CCDC18: variants seen among roughly 807,000 people sequenced by gnomAD.
CCDC18 encodes coiled-coil domain-containing protein 18.
In CCDC18, 157 loss-of-function variants were observed where a neutral mutation model predicts 196.0. The observed-to-expected ratio is 0.80, with a 90% confidence interval of 0.70 to 0.91. The LOEUF is 0.91. CCDC18 is among the 40% of genes least tolerant of loss of function. The pLI is 0.00. For missense variants in CCDC18, 1,465 were observed against 1,611.6 expected (o/e 0.91, Z 1.56); for synonymous variants, 482 against 529.2 (o/e 0.91, Z 1.22).
intron 6 of CCDC18, among the ~76,000 whole-genome samples, chr1:93,195,758 A>G (rs969854104): frequency 9.9e-5 from 15 of 152,182 alleles, no homozygotes; most frequent in Non-Finnish European, 2.2e-4. Context: ...GGCCCTACCA[A>G]ACTGCCAGTA....
chr1:93,211,780 A>G (rs1655688517), intron 10 of CCDC18, among the ~76,000 whole-genome samples: 2 of 152,164 alleles, frequency 1.3e-5, no homozygotes, highest in Non-Finnish European at 2.9e-5. Flanking sequence ...TGTTACAAAC[A>G]GTGCTGCAAA....
intron 8 of CCDC18, among the ~76,000 whole-genome samples, chr1:93,206,530 T>C (rs550721611): frequency 3.2e-4 from 48 of 152,306 alleles, no homozygotes; most frequent in African/African-American, 1.1e-3. Context: ...TAAGATATTT[T>C]TAAAACTTCA....
intron 13 of CCDC18, among the ~76,000 whole-genome samples, chr1:93,217,079 C>T (rs556372387): frequency 4.0e-5 from 6 of 151,678 alleles, no homozygotes; most frequent in South Asian, 2.1e-4. Context: ...GGACTACAGG[C>T]GCCCGCCACC....
At chr1:93,197,772 G>A (rs1571377142) in intron 6 of CCDC18, among the ~76,000 whole-genome samples, 1 of 85,100 alleles carries the variant, frequency 1.2e-5, no homozygotes, top group African/African-American at 5.1e-5. Flanking sequence ...TTTTTTTTGA[G>A]ACAGAGTCTC....
chr1:93,221,985 T>A (rs776083183), intron 16 of CCDC18, 49 bp downstream of exon 16: 5 of 1,189,494 alleles, frequency 4.2e-6, no homozygotes, highest in African/African-American at 3.2e-5. Context: ...TTTTTTTTTT[T>A]AACAGACAGA....
rs1310419722 is a variant in CCDC18 at position 93,214,870 on chromosome 1, T to C, written c.1623T>C (p.Asp541=). The C allele has an allele frequency of 6.2e-7, 1 of 1,613,680 alleles. No individual in the cohort carries two copies. Among genetic ancestry groups the C allele is most frequent in the Non-Finnish European group, 8.5e-7 (1 of 1,179,758 alleles). Reference sequence around the variant, plus strand: ...TACAAATAGAAGCTGAAAATTCTGATTTGAAGGTTAACATGGCTCACAGAA... The same window carrying C: ...TACAAATAGAAGCTGAAAATTCTGACTTGAAGGTTAACATGGCTCACAGAA... ...KLIQIEAENS[D]LKVNMAHRTS... is the part of the protein sequence containing the mutation. The change falls in exon 12 of 29, where the codon GAT becomes GAC. Residue 541 remains aspartate (D), a synonymous_variant. Transcript: ENST00000690025.
intron 25 of CCDC18, among the ~76,000 whole-genome samples, chr1:93,258,366 A>G (rs1663313405): frequency 6.6e-6 from 1 of 152,266 alleles, no homozygotes; most frequent in East Asian, 1.9e-4. Flanking sequence ...ATTAGCATAA[A>G]TAAGTTTGAA....
intron 2 of CCDC18, 73 bp downstream of exon 2, chr1:93,183,568 A>G: frequency 4.5e-6 from 5 of 1,110,692 alleles, no homozygotes; most frequent in Non-Finnish European, 6.2e-6. Flanking sequence ...GGATTTCATT[A>G]TGATGTATTG....
chr1:93,210,716 C>T (rs1287039008), intron 9 of CCDC18, 86 bp from the exon 10 acceptor site: 1 of 907,334 alleles, frequency 1.1e-6, no homozygotes, highest in Non-Finnish European at 1.7e-6. Context: ...TAAATTCATA[C>T]AGTTTTTAAA....
Position 93,207,110 on chromosome 1 carries a change from G to A in CCDC18, c.921G>A (p.Gln307=). The change falls in exon 9 of 29, where the codon CAG becomes CAA. Residue 307 remains glutamine (Q), a synonymous_variant. Transcript: ENST00000690025. ...TTTTATTCTCTTTTCTTCATAGGCA[G>A]TTAAAAGAAGAAAATAACAACGGAA... is the stretch of plus-strand genomic sequence containing the variant. ...ELEILKEKLR[Q]LKEENNNGKE... is the part of the protein sequence containing the mutation. 6.9e-7 allele frequency: 1 copy of A among 1,450,636 alleles called. No individual in the cohort carries two copies. The highest frequency in any genetic ancestry group is 9.4e-7 in the Non-Finnish European group (1 of 1,065,460). The allele number at this position is 1,450,636 out of a possible 1,614,324, so 89.9% of individuals were successfully genotyped here. A position where few individuals can be genotyped will look rare whatever the true frequency, so the allele number is the denominator to read the frequency against.
intron 25 of CCDC18, among the ~76,000 whole-genome samples, chr1:93,257,406 G>A (rs1219914491): frequency 6.6e-6 from 1 of 151,648 alleles, no homozygotes; most frequent in Non-Finnish European, 1.5e-5. Context: ...TCCAGTATTT[G>A]GTAGGAAGTT....
At chr1:93,240,588 A>G (rs1332490960) in intron 21 of CCDC18, among the ~76,000 whole-genome samples, 2 of 152,204 alleles carry the variant, frequency 1.3e-5, no homozygotes, top group African/African-American at 4.8e-5. Flanking sequence ...GATAACCCAG[A>G]AACTTAGATA....
chr1:93,201,966 A>C lies in CCDC18; in HGVS notation c.773A>C (p.Lys258Thr), dbSNP rs772448332. 33 of 1,610,178 alleles carry C rather than the reference A, an allele frequency of 2.0e-5. No individual in the cohort carries two copies. The South Asian group carries it at 3.7e-4, about 18-fold the overall frequency. The change falls in exon 7 of 29, where the codon AAA (lysine) becomes ACA (threonine). Residue 258 changes from lysine (K) to threonine (T), a missense_variant. Transcript: ENST00000690025. Reference sequence around the variant, plus strand: ...AAAGCTTTCCAACAATATAAAAAAAAAGTGGCTGAAAAACTGGAAAAGGTA... The same window carrying C: ...AAAGCTTTCCAACAATATAAAAAAACAGTGGCTGAAAAACTGGAAAAGGTA... ...LSKAFQQYKK[K>T]VAEKLEKVQA...
At chr1:93,259,020 A>T in intron 26 of CCDC18, 135 bp downstream of exon 26, 1 of 708,350 alleles carries the variant, frequency 1.4e-6, no homozygotes, top group Non-Finnish European at 2.1e-6. Context: ...TAGCCTAAAC[A>T]TACAGCTTTC....
At chr1:93,186,937 T>C (rs1005253761) in intron 4 of CCDC18, among the ~76,000 whole-genome samples, 16 of 152,028 alleles carry the variant, frequency 1.1e-4, no homozygotes, top group African/African-American at 3.9e-4. Flanking sequence ...TTAAATAGTT[T>C]TGGTGTTTTC....
At chr1:93,239,545 T>C in intron 20 of CCDC18, 72 bp downstream of exon 20, 1 of 1,508,250 alleles carries the variant, frequency 6.6e-7, no homozygotes, top group South Asian at 1.3e-5. Context: ...TGTGAGAATT[T>C]GAGATGGTGG....
In CCDC18 at chr1:93,214,932, A is replaced by G. The variant is rs963168834; in HGVS notation, c.1685A>G (p.Glu562Gly). 7 of 1,607,652 alleles carry G rather than the reference A, an allele frequency of 4.4e-6. No individual in the cohort carries two copies. In the African/African-American group the frequency reaches 8.0e-5, roughly 18 times the overall value. ...CAGCTGATTCAAGAGGAGCTGCTAG[A>G]GAAAGCTTCAAACTCCAGCAAACTG... ...QFQLIQEELL[E>G]KASNSSKLES... Residue 562 changes from glutamate (E) to glycine (G), a missense_variant, in exon 12 of 29, where the codon GAG becomes GGG. Physicochemically the swap from Glu to Gly is moderately conservative, Grantham distance 98. Transcript: ENST00000690025.
At chr1:93,272,399 G>A (rs748695220) in intron 28 of CCDC18, among the ~76,000 whole-genome samples, 5 of 152,210 alleles carry the variant, frequency 3.3e-5, no homozygotes, top group Admixed American at 6.5e-5. Flanking sequence ...TCATCAGGCT[G>A]TGCTGGCCAA....
intron 23 of CCDC18, among the ~76,000 whole-genome samples, chr1:93,253,365 G>A (rs1662520007): frequency 6.6e-6 from 1 of 152,130 alleles, no homozygotes; most frequent in Non-Finnish European, 1.5e-5. Context: ...ATCTGCTGTG[G>A]GACAGAGGCT....
Sources: gnomAD v4.1 joint callset for allele counts (sites outside exome capture counted in the v4.1 genomes callset) on GRCh38, gnomAD v4.1.1 for gene constraint, MANE v1.5 for transcripts, NCBI Gene and HGNC (gene_info 2026-07-23, HGNC 2026-07-21) for gene names.